Variants in ZNF680 observed in about 807,000 individuals in gnomAD.
The protein encoded by ZNF680 is hypothetical protein FLJ90430.
Under a neutral mutation model 12.1 loss-of-function variants are expected in ZNF680, and 6 were observed. The observed-to-expected ratio is 0.49, with a 90% CI of 0.27 to 0.98. The LOEUF (loss-of-function observed/expected upper bound fraction) is 0.98. ZNF680 is among the 50% of genes least tolerant of loss of function. The probability of loss-of-function intolerance (pLI) is 0.12; values close to 1 mark genes in which losing one functional copy is unlikely to be tolerated. For missense variants in ZNF680, 561 were observed against 616.3 expected (o/e 0.91, Z 0.95); for synonymous variants, 170 against 199.3 (o/e 0.85, Z 1.24).
intron 1 of ZNF680, among the ~76,000 whole-genome samples, chr7:64,547,071 T>C (rs1786824873): frequency 1.3e-5 from 2 of 152,262 alleles, no homozygotes; most frequent in African/African-American, 2.4e-5. Flanking sequence ...TAATCCTAAT[T>C]AGAAGACTGG....
downstream of ZNF680, among the ~76,000 whole-genome samples, chr7:64,515,722 G>T (rs186017771): frequency 1.8e-4 from 28 of 152,170 alleles, no homozygotes; most frequent in East Asian, 5.0e-3. Flanking sequence ...AAAAAACAAG[G>T]CCTGGTATAA....
At chr7:64,503,502 T>A in the ZNF680 span, among the ~76,000 whole-genome samples, 1 of 149,274 alleles carries the variant, frequency 6.7e-6, no homozygotes, top group Non-Finnish European at 1.5e-5. Flanking sequence ...TGCCTCAGCC[T>A]CCTGAGTAGC....
chr7:64,514,998 G>A (rs1482260433), downstream of ZNF680, among the ~76,000 whole-genome samples: 2 of 151,774 alleles, frequency 1.3e-5, no homozygotes, highest in Non-Finnish European at 2.9e-5. Context: ...AGCCAAGATC[G>A]CGCCATTGCA....
rs147557957 is a variant in ZNF680, at chr7:64,560,272, C to T, written c.30+2653G>A. On this transcript the variant is annotated intron_variant, in intron 1 of 3. Coordinates refer to ENST00000309683, the MANE Select transcript of ZNF680 (RefSeq NM_178558.5). ...GGAATTACAGGCATGTACCACCACG[C>T]CCGGCTAATTTTTGTATTTTTAGTA... 7.9e-3 allele frequency among the ~76,000 whole-genome samples: 1,202 copies of T among 152,058 alleles called. 10 individuals carry two copies. The highest frequency in any genetic ancestry group is 0.013 in the Non-Finnish European group (873 of 67,992).
At position 64,520,118 on chromosome 7, in the gene ZNF680, A is replaced by G. The variant is rs534860877; in HGVS notation, c.*1043T>C. The G allele has an allele frequency of 4.0e-5, 6 of 151,842 alleles. No homozygotes were observed. Among genetic ancestry groups the G allele is most frequent in the Admixed American group, 2.0e-4 (3 of 15,252 alleles). The allele number at this position is 151,842 out of a possible 1,614,324, so 9.4% of individuals were successfully genotyped here. On this transcript the variant is annotated 3_prime_UTR_variant, in exon 4 of 4. Coordinates refer to ENST00000309683, the MANE Select transcript of ZNF680 (RefSeq NM_178558.5). ...GTAAACTAACAGGGCCTCTCCACTT[A>G]GATTTTCATCATAAACCTTACATTT...
At chr7:64,514,581 CATA>C in the ZNF680 span, among the ~76,000 whole-genome samples, 4 of 151,902 alleles carry the variant, frequency 2.6e-5, no homozygotes, top group South Asian at 2.1e-4. Flanking sequence ...TAATAAAACT[CATA>C]ATAAAAACTC....
rs752861421 is a variant in ZNF680, at chr7:64,522,206, T to C, written c.548A>G (p.Lys183Arg). 6.2e-7 allele frequency: 1 copy of C among 1,612,518 alleles called. No homozygotes were observed. Among genetic ancestry groups the C allele is most frequent in the South Asian group, 1.1e-5 (1 of 91,024 alleles). The change falls in exon 4 of 4, where the codon AAA becomes AGA. Residue 183 changes from lysine (K) to arginine (R), a missense_variant. Coordinates refer to ENST00000309683, the MANE Select transcript of ZNF680 (RefSeq NM_178558.5). The stretch of plus-strand genomic sequence containing the variant: ...AAATGATTTGCCACATTCTTTACAT[T>C]TGAAAACCTTCTTTCCAGTATTTCT... ...KKRNTGKKVF[K>R]CKECGKSFCM...
At chr7:64,505,148 G>A in the ZNF680 span, among the ~76,000 whole-genome samples, 1 of 152,172 alleles carries the variant, frequency 6.6e-6, no homozygotes, top group Non-Finnish European at 1.5e-5. Context: ...TCTTTGCTCC[G>A]TGTTAGTAAT....
intron 2 of ZNF680, 28 bp downstream of exon 2, chr7:64,544,278 A>T: frequency 1.3e-6 from 2 of 1,591,938 alleles, no homozygotes; most frequent in Non-Finnish European, 1.7e-6. Context: ...AGGGCATATT[A>T]GGAATTGTGT....
intron 3 of ZNF680, among the ~76,000 whole-genome samples, chr7:64,533,540 T>C (rs1457221024): frequency 2.0e-5 from 3 of 152,114 alleles, no homozygotes; most frequent in Non-Finnish European, 2.9e-5. Context: ...TGGAAACACA[T>C]TTTATGCTTA....
At chr7:64,522,536 C>G (rs199610614) in intron 3 of ZNF680, 36 bp from the exon 4 acceptor site, 13 of 1,358,730 alleles carry the variant, frequency 9.6e-6, no homozygotes, top group Non-Finnish European at 1.2e-5. Flanking sequence ...ACACCACTTC[C>G]TAGACTCAGA....
intron 3 of ZNF680, among the ~76,000 whole-genome samples, chr7:64,535,136 A>G (rs1786092339): frequency 6.6e-6 from 1 of 152,122 alleles, no homozygotes. Context: ...CAAACACCCT[A>G]TAGAAAAATA....
intron 3 of ZNF680, among the ~76,000 whole-genome samples, chr7:64,542,762 A>C (rs1160355510): frequency 2.0e-5 from 3 of 152,152 alleles, no homozygotes; most frequent in African/African-American, 7.2e-5. Context: ...GCAGTGGTAC[A>C]ATCTCAGCTC....
Position 64,544,576 on chromosome 7 carries a change from T to C in ZNF680, c.31-144A>G, listed in dbSNP as rs1237316195. On this transcript the variant is annotated intron_variant, in intron 1 of 3. Transcript: ENST00000309683. ...TGACTTACAGGAGTGAGTCAAATTATACAATAAAATAAATTTCAATGCAGA... is the reference window on the plus strand; with the variant it reads ...TGACTTACAGGAGTGAGTCAAATTACACAATAAAATAAATTTCAATGCAGA... 8.1e-6 allele frequency: 11 copies of C among 1,354,558 alleles called. No homozygotes were observed. The South Asian group carries it at 1.1e-4, about 14-fold the overall frequency. The allele number at this position is 1,354,558 out of a possible 1,614,324, so 83.9% of individuals were successfully genotyped here.
intron 3 of ZNF680, among the ~76,000 whole-genome samples, chr7:64,531,028 A>G (rs1785845076): frequency 6.6e-6 from 1 of 152,090 alleles, no homozygotes; most frequent in African/African-American, 2.4e-5. Flanking sequence ...TAAACACAGT[A>G]AGAGTGGGGA....
At chr7:64,507,478 A>C in the ZNF680 span, among the ~76,000 whole-genome samples, 1 of 152,108 alleles carries the variant, frequency 6.6e-6, no homozygotes. Context: ...AGGATAGGTA[A>C]GTGAGTTGAT....
chr7:64,562,889 CT>C, intron 1 of ZNF680, 35 bp downstream of exon 1: 1 of 1,613,140 alleles, frequency 6.2e-7, no homozygotes, highest in Non-Finnish European at 8.5e-7. Flanking sequence ...CAACCAGCCC[CT>C]CCCCCTCTCT....
chr7:64,514,098 C>T, the ZNF680 span, among the ~76,000 whole-genome samples: 1 of 152,152 alleles, frequency 6.6e-6, no homozygotes, highest in Non-Finnish European at 1.5e-5. Flanking sequence ...CAACAAACTT[C>T]ACAAGATCAA....
At chr7:64,533,842 C>T (rs896127163) in intron 3 of ZNF680, among the ~76,000 whole-genome samples, 1 of 152,022 alleles carries the variant, frequency 6.6e-6, no homozygotes, top group Admixed American at 6.6e-5. Flanking sequence ...AACAGAATAG[C>T]GAACCCAGAA....
Sources: gnomAD v4.1 joint callset for allele counts (sites outside exome capture counted in the v4.1 genomes callset) on GRCh38, gnomAD v4.1.1 for gene constraint, MANE v1.5 for transcripts, NCBI Gene and HGNC (gene_info 2026-07-23, HGNC 2026-07-21) for gene names.